The following SCNN1G variants were observed in gnomAD, a reference collection of about 807,000 sequenced individuals.
SCNN1G encodes the protein sodium channel epithelial 1 subunit gamma, also known as epithelial sodium channel subunit gamma.
SCNN1G carries 27 observed loss-of-function variants against 64.6 expected under a neutral mutation model. That is an observed-to-expected ratio of 0.42 (90% CI 0.31 to 0.58). SCNN1G has a LOEUF of 0.58. Among genes scored for constraint, SCNN1G ranks in the 20% least tolerant of loss-of-function variants. SCNN1G has a pLI of 0.18. For missense variants in SCNN1G, 743 were observed against 823.4 expected, an observed-to-expected ratio of 0.90 and a Z score of 1.19; for synonymous variants, 330 against 314.2, an observed-to-expected ratio of 1.05 and a Z score of -0.53.
At chr16:23,214,372 C>T (rs1054213744) in intron 11 of SCNN1G, among the ~76,000 whole-genome samples, 2 of 152,232 alleles carry the variant, frequency 1.3e-5, no homozygotes, top group Non-Finnish European at 2.9e-5. Context: ...CTACCCTGCT[C>T]ATGTACATTA....
intron 6 of SCNN1G, among the ~76,000 whole-genome samples, chr16:23,204,007 G>C (rs1959935886): frequency 6.6e-6 from 1 of 151,664 alleles, no homozygotes; most frequent in Admixed American, 6.6e-5. Context: ...GCTGAGGGCA[G>C]TGACTTACAC....
rs370934643 is a variant in SCNN1G, at chr16:23,186,470, A to G, written c.199A>G (p.Ile67Val). The change falls in exon 2 of 13, where the codon ATC (isoleucine) becomes GTC (valine). Residue 67 changes from isoleucine to valine, a missense_variant. Ile to Val is a conservative substitution (Grantham distance 29). Transcript: ENST00000300061. ...GTTCACACTGACTGCCGTGGCCCTC[A>G]TCCTCTGGCAGTGCGCCCTCCTCGT... Reference protein sequence around the residue: ...IGFTLTAVALILWQCALLVFS... With the variant: ...IGFTLTAVALVLWQCALLVFS... The G allele has an allele frequency of 3.7e-6, 6 of 1,614,094 alleles. No individual in the cohort carries two copies.
intron 1 of SCNN1G, 25 bp from the exon 2 acceptor site, chr16:23,186,203 C>T: frequency 6.6e-7 from 1 of 1,511,562 alleles, no homozygotes. Flanking sequence ...GCCAGCTCAC[C>T]TGCTTCTCTT....
intron 6 of SCNN1G, 41 bp from the exon 7 acceptor site, chr16:23,209,708 CG>C (rs762230290): frequency 4.7e-6 from 7 of 1,484,890 alleles, no homozygotes; most frequent in African/African-American, 2.8e-5. Flanking sequence ...CGCCTGGGTC[CG>C]GGGGGAGGAC....
intron 3 of SCNN1G, among the ~76,000 whole-genome samples, chr16:23,191,475 G>A (rs1317542261): frequency 1.3e-5 from 2 of 152,182 alleles, no homozygotes; most frequent in African/African-American, 2.4e-5. Flanking sequence ...CTGTCACTCA[G>A]GTGGGAGTGG....
chr16:23,183,370 G>A (rs1959553372), intron 1 of SCNN1G, among the ~76,000 whole-genome samples: 2 of 152,218 alleles, frequency 1.3e-5, no homozygotes, highest in Non-Finnish European at 2.9e-5. Context: ...GGGCCCTGAG[G>A]TTGAGTTCAA....
chr16:23,186,662 GAC>G, intron 2 of SCNN1G, 74 bp downstream of exon 2: 1 of 1,307,038 alleles, frequency 7.7e-7, no homozygotes, highest in Non-Finnish European at 1.1e-6. Flanking sequence ...TCCCGAAAGT[GAC>G]ACACTGGCAG....
intron 6 of SCNN1G, among the ~76,000 whole-genome samples, chr16:23,201,412 G>A (rs1172852847): frequency 6.6e-6 from 1 of 151,982 alleles, no homozygotes; most frequent in Non-Finnish European, 1.5e-5. Context: ...ACCAGTAGTG[G>A]GTAAACAAAG....
At chr16:23,184,506 T>C (rs1369332578) in intron 1 of SCNN1G, among the ~76,000 whole-genome samples, 1 of 152,148 alleles carries the variant, frequency 6.6e-6, no homozygotes, top group Non-Finnish European at 1.5e-5. Flanking sequence ...AAAAAATAAA[T>C]TATATTCCTC....
At chr16:23,207,930 C>T (rs899207701) in intron 6 of SCNN1G, among the ~76,000 whole-genome samples, 8 of 152,162 alleles carry the variant, frequency 5.3e-5, no homozygotes, top group Middle Eastern at 6.8e-3. Context: ...TCTTCCCTCC[C>T]ACAAATCTGC....
intron 2 of SCNN1G, among the ~76,000 whole-genome samples, chr16:23,188,333 G>A (rs564311596): frequency 1.3e-5 from 2 of 151,776 alleles, no homozygotes; most frequent in East Asian, 1.9e-4. Context: ...ACAGAGCAAG[G>A]CCCCCTCTCT....
Position 23,213,110 on chromosome 16 carries a change from G to T in SCNN1G, c.1440G>T (p.Leu480Phe). 1 of 1,613,898 alleles carries T rather than the reference G, an allele frequency of 6.2e-7. No individual in the cohort carries two copies. Among genetic ancestry groups the T allele is most frequent in the Non-Finnish European group, 8.5e-7 (1 of 1,179,840 alleles). The change falls in exon 11 of 13, where the codon TTG becomes TTT. Residue 480 changes from leucine (L) to phenylalanine (F), a missense_variant. By Grantham distance (22) the Leu-to-Phe change is conservative (BLOSUM62 0). Coordinates refer to ENST00000300061, the MANE Select transcript of SCNN1G (RefSeq NM_001039.4). ...TTCTCTCTCCGTTGTAGAAGTGGTT[G>T]CTGCCTGTTCTCACTTGGGACCAAG... ...QWPSVVSEKW[L>F]LPVLTWDQGR...
chr16:23,183,790 T>C (rs966056720), intron 1 of SCNN1G, among the ~76,000 whole-genome samples: 3 of 152,176 alleles, frequency 2.0e-5, no homozygotes, highest in Non-Finnish European at 4.4e-5. Flanking sequence ...TAGCTGCCAT[T>C]ATTGCTGCTT....
chr16:23,212,594 C>A (rs1007217937), intron 8 of SCNN1G, 84 bp from the exon 9 acceptor site: 3 of 991,410 alleles, frequency 3.0e-6, no homozygotes, highest in African/African-American at 3.2e-5. Context: ...AATGAGACTG[C>A]GGGGCTGTCC....
At chr16:23,212,959 C>A in intron 10 of SCNN1G, 65 bp downstream of exon 10, 1 of 1,557,130 alleles carries the variant, frequency 6.4e-7, no homozygotes, top group Non-Finnish European at 8.9e-7. Context: ...GACATTTTTG[C>A]TGTGTCCTCT....
At chr16:23,185,057 T>C (rs1959583715) in intron 1 of SCNN1G, among the ~76,000 whole-genome samples, 1 of 152,246 alleles carries the variant, frequency 6.6e-6, no homozygotes. Context: ...ATTAACTCCC[T>C]GCACCCAGCG....
At chr16:23,204,107 C>A (rs1373455461) in intron 6 of SCNN1G, among the ~76,000 whole-genome samples, 1 of 150,612 alleles carries the variant, frequency 6.6e-6, no homozygotes, top group African/African-American at 2.4e-5. Context: ...GGTGACACCC[C>A]ATCTCTACAA....
intron 6 of SCNN1G, among the ~76,000 whole-genome samples, chr16:23,205,043 C>A (rs1291551981): frequency 1.3e-5 from 2 of 152,082 alleles, no homozygotes; most frequent in African/African-American, 4.8e-5. Flanking sequence ...AAACTCCTGA[C>A]CTCAAGTGAC....
At chr16:23,209,995 C>T (rs970429394) in intron 7 of SCNN1G, 147 bp downstream of exon 7, 22 of 705,736 alleles carry the variant, frequency 3.1e-5, no homozygotes, top group East Asian at 1.1e-4. Flanking sequence ...CAAATGATGC[C>T]GGCTGGTTCC....
Sources: gnomAD v4.1 joint callset for allele counts (sites outside exome capture counted in the v4.1 genomes callset) on GRCh38, gnomAD v4.1.1 for gene constraint, MANE v1.5 for transcripts, NCBI Gene and HGNC (gene_info 2026-07-23, HGNC 2026-07-21) for gene names.